Variants in DOCK4 observed in about 807,000 individuals in gnomAD.
The protein encoded by DOCK4 is dedicator of cytokinesis protein 4.
A neutral mutation model predicts 268.1 loss-of-function variants in DOCK4; 97 were observed. The observed-to-expected ratio is 0.36, with a 90% CI of 0.31 to 0.43. The LOEUF (loss-of-function observed/expected upper bound fraction) is 0.43. DOCK4 is among the 20% of genes least tolerant of loss of function. The pLI is 1.00. For synonymous variants in DOCK4, 954 were observed against 887.2 expected (o/e 1.08, Z -1.34); for missense variants, 2,145 against 2,455.7 (o/e 0.87, Z 2.67).
intron 30 of DOCK4, among the ~76,000 whole-genome samples, chr7:111,791,211 C>G (rs932504182): frequency 1.4e-5 from 2 of 141,650 alleles, no homozygotes; most frequent in Non-Finnish European, 3.0e-5. Context: ...TGAAGTTTTT[C>G]AATATAATTA....
At chr7:112,201,919 C>T (rs1820974470) in intron 1 of DOCK4, among the ~76,000 whole-genome samples, 1 of 152,186 alleles carries the variant, frequency 6.6e-6, no homozygotes, top group South Asian at 2.1e-4. Flanking sequence ...CTTTAGATTG[C>T]ACATGTAAGC....
At chr7:112,190,077 C>G (rs1432444832) in intron 1 of DOCK4, among the ~76,000 whole-genome samples, 1 of 152,126 alleles carries the variant, frequency 6.6e-6, no homozygotes, top group African/African-American at 2.4e-5. Flanking sequence ...CTCAACAAAG[C>G]CTGGATTATA....
intron 1 of DOCK4, among the ~76,000 whole-genome samples, chr7:112,184,804 T>C (rs1406808410): frequency 2.0e-5 from 3 of 152,046 alleles, no homozygotes; most frequent in Non-Finnish European, 4.4e-5. Context: ...CCCTTAGAGC[T>C]TGCAGAGGGT....
intron 1 of DOCK4, among the ~76,000 whole-genome samples, chr7:112,070,971 T>C (rs1237464064): frequency 6.6e-6 from 1 of 152,140 alleles, no homozygotes; most frequent in Admixed American, 6.5e-5. Context: ...TACGACCTCT[T>C]TCTACCTAAA....
intron 17 of DOCK4, among the ~76,000 whole-genome samples, chr7:111,876,767 A>G (rs1806925034): frequency 6.7e-6 from 1 of 149,736 alleles, no homozygotes; most frequent in African/African-American, 2.5e-5. Context: ...TTTTTTTTCA[A>G]AGCATCTGGG....
At chr7:111,863,294 G>T in intron 23 of DOCK4, 78 bp downstream of exon 23, 1 of 1,497,566 alleles carries the variant, frequency 6.7e-7, no homozygotes, top group Non-Finnish European at 9.2e-7. Context: ...GTTTTTAATT[G>T]CATCTGCTGA....
chr7:112,202,230 G>T (rs1445417564), intron 1 of DOCK4, among the ~76,000 whole-genome samples: 1 of 152,154 alleles, frequency 6.6e-6, no homozygotes, highest in African/African-American at 2.4e-5. Flanking sequence ...GGATCATATG[G>T]TAATTCTATT....
intron 30 of DOCK4, among the ~76,000 whole-genome samples, chr7:111,804,798 T>A (rs932834218): frequency 1.3e-5 from 2 of 151,878 alleles, no homozygotes; most frequent in Non-Finnish European, 2.9e-5. Context: ...CGGGGTTTCG[T>A]CATGTTTGCC....
intron 8 of DOCK4, among the ~76,000 whole-genome samples, chr7:111,974,043 G>A (rs989733287): frequency 6.6e-6 from 1 of 152,056 alleles, no homozygotes; most frequent in Admixed American, 6.6e-5. Flanking sequence ...GAACTGTTAG[G>A]AGTTCCAAGA....
At chr7:111,789,614 C>T (rs942142048) in intron 31 of DOCK4, among the ~76,000 whole-genome samples, 1 of 152,184 alleles carries the variant, frequency 6.6e-6, no homozygotes, top group Non-Finnish European at 1.5e-5. Context: ...GTCTTTCATT[C>T]ATCTATTAGC....
chr7:112,027,571 G>A (rs553324411), intron 1 of DOCK4, among the ~76,000 whole-genome samples: 39 of 152,160 alleles, frequency 2.6e-4, no homozygotes, highest in African/African-American at 5.8e-4. Flanking sequence ...ATAAAAAATC[G>A]TCTGCACCAA....
chr7:111,751,429 T>C (rs556476980), intron 42 of DOCK4, among the ~76,000 whole-genome samples: 1 of 152,046 alleles, frequency 6.6e-6, no homozygotes, highest in Non-Finnish European at 1.5e-5. Context: ...ATTCGAATAA[T>C]AGAGTAAAAA....
chr7:111,911,691 C>A (rs982246120), intron 13 of DOCK4, among the ~76,000 whole-genome samples: 1 of 152,188 alleles, frequency 6.6e-6, no homozygotes, highest in Non-Finnish European at 1.5e-5. Flanking sequence ...AGATCCCAGA[C>A]AATTAATCAG....
chr7:111,774,658 G>T (rs1484041170), intron 36 of DOCK4, among the ~76,000 whole-genome samples: 1 of 152,122 alleles, frequency 6.6e-6, no homozygotes, highest in African/African-American at 2.4e-5. Flanking sequence ...ATGAAAGGAG[G>T]GTATGTGGTA....
intron 12 of DOCK4, among the ~76,000 whole-genome samples, chr7:111,916,343 T>C (rs1479987190): frequency 6.6e-6 from 1 of 152,156 alleles, no homozygotes. Flanking sequence ...ATCAAAAGCA[T>C]GAACACAAAT....
chr7:112,165,586 T>G (rs1817547174), intron 1 of DOCK4, among the ~76,000 whole-genome samples: 1 of 151,528 alleles, frequency 6.6e-6, no homozygotes, highest in Non-Finnish European at 1.5e-5. Flanking sequence ...CCCATTTCTT[T>G]GGACACTTAG....
At chr7:112,170,836 G>A (rs553492210) in intron 1 of DOCK4, among the ~76,000 whole-genome samples, 3 of 152,238 alleles carry the variant, frequency 2.0e-5, no homozygotes, top group Admixed American at 2.0e-4. Flanking sequence ...TATTGCCTCA[G>A]AGAATAGTAT....
intron 8 of DOCK4, among the ~76,000 whole-genome samples, chr7:111,946,528 C>T (rs1795635029): frequency 6.6e-6 from 1 of 152,144 alleles, no homozygotes. Context: ...ACAAATAATG[C>T]TGTTGATCAG....
intron 38 of DOCK4, among the ~76,000 whole-genome samples, chr7:111,765,678 C>T (rs1181751322): frequency 2.0e-5 from 3 of 152,298 alleles, no homozygotes; most frequent in African/African-American, 7.2e-5. Context: ...TTGCCTCCAC[C>T]TGGCACATGG....
Sources: gnomAD v4.1 joint callset for allele counts (sites outside exome capture counted in the v4.1 genomes callset) on GRCh38, gnomAD v4.1.1 for gene constraint, MANE v1.5 for transcripts, NCBI Gene and HGNC (gene_info 2026-07-23, HGNC 2026-07-21) for gene names.